SMG1: variants seen among roughly 807,000 people sequenced by gnomAD.
SMG1 encodes serine/threonine-protein kinase SMG1.
A neutral mutation model predicts 419.9 loss-of-function variants in SMG1; 22 were observed. The ratio of observed to expected loss-of-function variants is 0.05; its 90% CI spans 0.04 to 0.07. The LOEUF is 0.07. Among genes scored for constraint, SMG1 ranks in the 10% least tolerant of loss-of-function variants. The pLI is 1.00. For missense variants in SMG1, 3,185 were observed against 4,342.0 expected (o/e 0.73, Z 7.49); for synonymous variants, 1,538 against 1,553.5 (o/e 0.99, Z 0.23).
At chr16:18,899,110 A>G (rs1391379958) in intron 1 of SMG1, among the ~76,000 whole-genome samples, 1 of 152,220 alleles carries the variant, frequency 6.6e-6, no homozygotes, top group East Asian at 1.9e-4. Flanking sequence ...CTAAAAGACA[A>G]TGTACAAACA....
intron 1 of SMG1, among the ~76,000 whole-genome samples, chr16:18,915,800 G>A (rs1402417108): frequency 2.0e-5 from 3 of 152,058 alleles, no homozygotes; most frequent in Non-Finnish European, 4.4e-5. Context: ...CAGGCGTGGT[G>A]GCTCACGCCT....
intron 3 of SMG1, among the ~76,000 whole-genome samples, chr16:18,893,790 G>T (rs1596613053): frequency 6.6e-6 from 1 of 151,996 alleles, no homozygotes; most frequent in East Asian, 1.9e-4. Flanking sequence ...GGGCATGGTG[G>T]CTCACACCTG....
chr16:18,831,624 C>T (rs1026800342), intron 51 of SMG1, among the ~76,000 whole-genome samples: 1 of 151,334 alleles, frequency 6.6e-6, no homozygotes, highest in Non-Finnish European at 1.5e-5. Flanking sequence ...GGCATGGGGG[C>T]ATACGTCCAT....
chr16:18,881,852 G>A (rs1234199717), intron 10 of SMG1, among the ~76,000 whole-genome samples: 1 of 151,654 alleles, frequency 6.6e-6, no homozygotes, highest in East Asian at 1.9e-4. Flanking sequence ...AAAACTAAAA[G>A]GAAACCCAAT....
At chr16:18,880,943 G>C (rs981553345) in intron 10 of SMG1, among the ~76,000 whole-genome samples, 2 of 147,424 alleles carry the variant, frequency 1.4e-5, no homozygotes, top group Non-Finnish European at 3.0e-5. Context: ...ACTGAGTCGT[G>C]ATGGCACCAC....
chr16:18,853,975 G>A, intron 30 of SMG1, 108 bp from the exon 31 acceptor site: 1 of 1,022,018 alleles, frequency 9.8e-7, no homozygotes, highest in Non-Finnish European at 1.4e-6. Flanking sequence ...CCACCATGTT[G>A]ATGGTTTCAA....
At chr16:18,884,028 T>C in intron 9 of SMG1, 42 bp downstream of exon 9, 3 of 904,330 alleles carry the variant, frequency 3.3e-6, no homozygotes, top group Non-Finnish European at 5.0e-6. Flanking sequence ...TTAAGATTTT[T>C]TCTTAACCAA....
Position 18,863,698 on chromosome 16 carries a change from C to G in SMG1, c.3647G>C (p.Ser1216Thr). ...CAGGTTGAGGGAAGTGCTACTGGTA[C>G]TCTTTTTCAAGTCATGGATAGCGTT... The part of the protein sequence containing the change: ...WQNAIHDLKK[S>T]TSSTSLNLKA... Residue 1216 changes from serine (S) to threonine (T), a missense_variant, in exon 25 of 63, where the codon AGT becomes ACT. Coordinates refer to ENST00000446231, the MANE Select transcript of SMG1 (RefSeq NM_015092.5). 1 of 1,594,466 alleles carries G rather than the reference C, an allele frequency of 6.3e-7. No homozygotes were observed.
chr16:18,834,695 G>A (rs907358324), intron 49 of SMG1, among the ~76,000 whole-genome samples, 197 bp downstream of exon 49: 3 of 152,128 alleles, frequency 2.0e-5, no homozygotes, highest in African/African-American at 4.8e-5. Context: ...GCTGTGAGCC[G>A]AGATCGTGCC....
chr16:18,847,380 A>G, intron 38 of SMG1, 73 bp downstream of exon 38: 2 of 1,523,424 alleles, frequency 1.3e-6, no homozygotes, highest in Non-Finnish European at 1.8e-6. Context: ...TTAAAATAGT[A>G]AATTTTATGT....
At chr16:18,920,241 G>C (rs2038143226) in intron 1 of SMG1, among the ~76,000 whole-genome samples, 1 of 152,028 alleles carries the variant, frequency 6.6e-6, no homozygotes, top group Non-Finnish European at 1.5e-5. Flanking sequence ...AGTTAGCCGG[G>C]TGTGGTGGCA....
chr16:18,843,623 AC>A (rs2034052763), intron 39 of SMG1, among the ~76,000 whole-genome samples: 1 of 152,228 alleles, frequency 6.6e-6, no homozygotes, highest in African/African-American at 2.4e-5. Context: ...GTTTAGCTAC[AC>A]AAACACACAC....
chr16:18,829,832 T>G, intron 53 of SMG1, 77 bp from the exon 54 acceptor site: 7 of 1,439,960 alleles, frequency 4.9e-6, no homozygotes, highest in Non-Finnish European at 6.5e-6. Flanking sequence ...ATTTAAGGTG[T>G]CATGAATGTA....
rs1012435107 is a variant in SMG1 at position 18,828,058 on chromosome 16, C to T, written c.9714G>A (p.Gln3238=). Residue 3238 remains glutamine, a synonymous_variant, in exon 55 of 63, where the codon CAG becomes CAA. Coordinates refer to ENST00000446231, the MANE Select transcript of SMG1 (RefSeq NM_015092.5). ...SMKKKLHTLS[Q]IETSIATVQE... ...GAACTGTTGCAATAGAAGTTTCAATCTGGCTCAGGGTATGCAGCTTCTTTT... is the reference window on the plus strand; with the variant it reads ...GAACTGTTGCAATAGAAGTTTCAATTTGGCTCAGGGTATGCAGCTTCTTTT... The T allele has an allele frequency of 3.7e-6, 6 of 1,612,758 alleles. No individual in the cohort carries two copies. The highest frequency in any genetic ancestry group is 5.1e-6 in the Non-Finnish European group (6 of 1,179,262).
At chr16:18,819,439 T>A (rs2032318598) in intron 56 of SMG1, 63 bp downstream of exon 56, 6 of 1,552,418 alleles carry the variant, frequency 3.9e-6, no homozygotes, top group Non-Finnish European at 5.2e-6. Flanking sequence ...CACATATAAC[T>A]TCCAGCTACT....
At chr16:18,898,388 G>A (rs972052162) in intron 1 of SMG1, among the ~76,000 whole-genome samples, 1 of 151,648 alleles carries the variant, frequency 6.6e-6, no homozygotes, top group Non-Finnish European at 1.5e-5. Flanking sequence ...AGAACATAAG[G>A]GAAAATAAAA....
chr16:18,919,540 C>T (rs979770309), intron 1 of SMG1, among the ~76,000 whole-genome samples: 1 of 151,400 alleles, frequency 6.6e-6, no homozygotes, highest in African/African-American at 2.4e-5. Flanking sequence ...AGGAGAATGG[C>T]GTGAACCCGG....
chr16:18,838,669 T>G lies in SMG1; in HGVS notation c.6966A>C (p.Ala2322=). 1 of 1,606,264 alleles carries G rather than the reference T, an allele frequency of 6.2e-7. No homozygotes were observed. Among genetic ancestry groups the G allele is most frequent in the East Asian group, 2.2e-5 (1 of 44,788 alleles). Residue 2322 remains alanine (A), a synonymous_variant, in exon 43 of 63, where the codon GCA becomes GCC. Transcript: ENST00000446231. ...RVTQSYARST[A]VMSMVGYIIG... is the part of the protein sequence containing the mutation. Reference sequence around the variant, plus strand: ...TTATGTATCCAACCATAGACATGACTGCAGTAGATCTTGCATAAGACTAAA... The same window carrying G: ...TTATGTATCCAACCATAGACATGACGGCAGTAGATCTTGCATAAGACTAAA...
At chr16:18,860,860 C>G in intron 25 of SMG1, 84 bp from the exon 26 acceptor site, 1 of 663,892 alleles carries the variant, frequency 1.5e-6, no homozygotes, top group Non-Finnish European at 2.6e-6. Context: ...AGAACAAATC[C>G]TAGGAAGACA....
Sources: gnomAD v4.1 joint callset for allele counts (sites outside exome capture counted in the v4.1 genomes callset) on GRCh38, gnomAD v4.1.1 for gene constraint, MANE v1.5 for transcripts, NCBI Gene and HGNC (gene_info 2026-07-23, HGNC 2026-07-21) for gene names.